The following DLGAP2 variants were observed in gnomAD, a reference collection of about 807,000 sequenced individuals.
The protein encoded by DLGAP2 is DLG associated protein 2, also known as disks large-associated protein 2.
A neutral mutation model predicts 100.3 loss-of-function variants in DLGAP2; 26 were observed. The observed-to-expected ratio is 0.26, with a 90% CI of 0.19 to 0.36. The LOEUF (loss-of-function observed/expected upper bound fraction) is 0.36, where lower values mean the gene tolerates loss of function less well. DLGAP2 is among the 10% of genes least tolerant of loss of function. The probability of loss-of-function intolerance (pLI) is 1.00; values close to 1 mark genes in which losing one functional copy is unlikely to be tolerated. For missense variants in DLGAP2, 1,858 were observed against 1,453.2 expected (o/e 1.28, Z -4.53); for synonymous variants, 886 against 630.1 (o/e 1.41, Z -6.08).
intron 1 of DLGAP2, among the ~76,000 whole-genome samples, chr8:861,139 A>G (rs1177770652): frequency 1.3e-5 from 2 of 148,890 alleles, no homozygotes; most frequent in African/African-American, 5.0e-5. Context: ...ATCTGGGAAA[A>G]TGAATGATTG....
At chr8:1,365,343 G>A (rs1057333619) in intron 3 of DLGAP2, among the ~76,000 whole-genome samples, 1 of 152,150 alleles carries the variant, frequency 6.6e-6, no homozygotes, top group South Asian at 2.1e-4. Flanking sequence ...GTCCCCAGAT[G>A]CTGGGAAACA....
intron 4 of DLGAP2, among the ~76,000 whole-genome samples, chr8:1,529,161 G>A (rs571855091): frequency 8.0e-4 from 122 of 152,278 alleles, no homozygotes; most frequent in African/African-American, 2.3e-3. Flanking sequence ...CAATCGTGGC[G>A]GAAGGTGAAG....
intron 2 of DLGAP2, among the ~76,000 whole-genome samples, chr8:1,054,789 G>A (rs1213880634): frequency 2.0e-5 from 3 of 152,112 alleles, no homozygotes; most frequent in Admixed American, 6.5e-5. Context: ...AAAAACTCTT[G>A]GAGGCTGAGA....
At chr8:1,540,317 C>T (rs956733893) in intron 4 of DLGAP2, among the ~76,000 whole-genome samples, 5 of 152,224 alleles carry the variant, frequency 3.3e-5, no homozygotes, top group African/African-American at 9.6e-5. Context: ...CCGGTACCAC[C>T]ACCCAACTGA....
chr8:1,447,753 A>C (rs1312312444), intron 3 of DLGAP2, among the ~76,000 whole-genome samples: 2 of 152,196 alleles, frequency 1.3e-5, no homozygotes, highest in Non-Finnish European at 2.9e-5. Flanking sequence ...GATTATTGCC[A>C]CAATTTCAGA....
chr8:1,178,807 A>G (rs185316001), intron 2 of DLGAP2, among the ~76,000 whole-genome samples: 1 of 152,306 alleles, frequency 6.6e-6, no homozygotes, highest in Admixed American at 6.5e-5. Flanking sequence ...AGCTGTGCCC[A>G]CCGCCAGCAT....
Position 1,668,648 on chromosome 8 carries a change from C to G in DLGAP2, c.2130C>G (p.Leu710=). ...TGGTGTCCAAGGCGGAGGAGCTCCTCAAGAGCCGCTGCTCCTCCATCGGGA... is the reference window on the plus strand; with the variant it reads ...TGGTGTCCAAGGCGGAGGAGCTCCTGAAGAGCCGCTGCTCCTCCATCGGGA... ...AILVSKAEEL[L]KSRCSSIGIQ... The change falls in exon 9 of 15, where the codon CTC becomes CTG. Residue 710 remains leucine (L), a synonymous_variant. Transcript: ENST00000637795. 2 of 1,580,548 alleles carry G rather than the reference C, an allele frequency of 1.3e-6. No homozygotes were observed. Among genetic ancestry groups the G allele is most frequent in the Non-Finnish European group, 8.6e-7 (1 of 1,163,004 alleles).
chr8:796,482 G>C (rs558597122), intron 1 of DLGAP2, among the ~76,000 whole-genome samples: 1 of 152,168 alleles, frequency 6.6e-6, no homozygotes, highest in Admixed American at 6.5e-5. Flanking sequence ...AGGTTTGGGT[G>C]GGGAGGGGCA....
rs1797679186 is a variant in DLGAP2, at chr8:1,193,327, A to G, written c.74-65524A>G. On this transcript the variant is annotated intron_variant, in intron 2 of 14. Coordinates refer to ENST00000637795, the MANE Select transcript of DLGAP2 (RefSeq NM_001346810.2). ...GTTCCCATTTCTCCACATCCTCTCC[A>G]GCACCTGTTGTTTCCTGGCTTTTTA... is the stretch of plus-strand genomic sequence containing the variant. 3.3e-5 allele frequency among the ~76,000 whole-genome samples: 5 copies of G among 152,324 alleles called. No individual in the cohort carries two copies. In the South Asian group the frequency reaches 1.0e-3, roughly 32 times the overall value.
At chr8:804,659 TC>T (rs1407826364) in intron 1 of DLGAP2, among the ~76,000 whole-genome samples, 38 of 152,360 alleles carry the variant, frequency 2.5e-4, no homozygotes, top group African/African-American at 8.7e-4. Flanking sequence ...TTCTCTCTTT[TC>T]CCCCAAGATA....
intron 4 of DLGAP2, among the ~76,000 whole-genome samples, chr8:1,512,014 C>T (rs1180668529): frequency 1.3e-5 from 2 of 152,248 alleles, no homozygotes; most frequent in Non-Finnish European, 2.9e-5. Context: ...AGTAATTACA[C>T]ATCTGACTAA....
chr8:1,693,320 G>C (rs1364753373), intron 13 of DLGAP2, among the ~76,000 whole-genome samples: 1 of 149,158 alleles, frequency 6.7e-6, no homozygotes, highest in Admixed American at 6.7e-5. Context: ...TATATATACT[G>C]TATATCTAAG....
chr8:1,069,053 C>G (rs1803346914), intron 2 of DLGAP2, among the ~76,000 whole-genome samples: 2 of 152,184 alleles, frequency 1.3e-5, no homozygotes, highest in South Asian at 4.1e-4. Flanking sequence ...AAATCCCCGG[C>G]TGAAGTTGGC....
intron 1 of DLGAP2, among the ~76,000 whole-genome samples, chr8:876,122 T>G (rs966272934): frequency 3.9e-4 from 60 of 152,296 alleles, no homozygotes; most frequent in African/African-American, 1.3e-3. Context: ...CCACCAAGCT[T>G]TTTCATATGT....
At chr8:1,519,269 C>G (rs952283938) in intron 4 of DLGAP2, among the ~76,000 whole-genome samples, 1 of 151,658 alleles carries the variant, frequency 6.6e-6, no homozygotes, top group Non-Finnish European at 1.5e-5. Context: ...CCATCCTACG[C>G]CTGAAAACCA....
chr8:915,921 T>G (rs1798583118), intron 2 of DLGAP2, among the ~76,000 whole-genome samples: 1 of 151,188 alleles, frequency 6.6e-6, no homozygotes, highest in Admixed American at 6.6e-5. Flanking sequence ...TCCTCCTCAT[T>G]GTACACTCTC....
chr8:907,739 A>G (rs1798409289), intron 1 of DLGAP2, among the ~76,000 whole-genome samples, 173 bp from the exon 2 acceptor site: 1 of 152,234 alleles, frequency 6.6e-6, no homozygotes, highest in Non-Finnish European at 1.5e-5. Context: ...TCAATGAAAA[A>G]TGTGTGTCAT....
intron 2 of DLGAP2, among the ~76,000 whole-genome samples, chr8:1,219,764 G>T (rs990992499): frequency 4.0e-5 from 6 of 151,826 alleles, no homozygotes; most frequent in Non-Finnish European, 8.8e-5. Flanking sequence ...CTTGTTGGTA[G>T]CTTATTACAG....
intron 3 of DLGAP2, among the ~76,000 whole-genome samples, chr8:1,455,656 A>G (rs1256301841): frequency 6.6e-6 from 1 of 152,234 alleles, no homozygotes; most frequent in Admixed American, 6.5e-5. Flanking sequence ...TCCCACTGCC[A>G]GGGGCACGCC....
Sources: gnomAD v4.1 joint callset for allele counts (sites outside exome capture counted in the v4.1 genomes callset) on GRCh38, gnomAD v4.1.1 for gene constraint, MANE v1.5 for transcripts, NCBI Gene and HGNC (gene_info 2026-07-23, HGNC 2026-07-21) for gene names.